Variants in LHB observed in about 807,000 individuals in gnomAD.
LHB encodes lutropin subunit beta.
LHB carries 11 observed loss-of-function variants against 10.6 expected under a neutral mutation model. That is an observed-to-expected ratio of 1.04 (90% CI 0.66 to 1.72). The LOEUF (loss-of-function observed/expected upper bound fraction) is 1.72. Ranked by LOEUF, LHB falls within the 40% of genes most tolerant of loss-of-function variation. The pLI, the probability that LHB is intolerant of heterozygous loss-of-function variation, is 0.00. For synonymous variants in LHB, 86 were observed against 83.1 expected (o/e 1.03, Z -0.19); for missense variants, 184 against 197.3 (o/e 0.93, Z 0.41).
At chr19:49,017,420 A>C, upstream of LHB, 1 of 1,133,006 alleles carries the variant, frequency 8.8e-7, no homozygotes, top group Non-Finnish European at 1.2e-6. Flanking sequence ...AGCCAGGAGG[A>C]GGCCATGACC....
upstream of LHB, chr19:49,019,473 A>G: frequency 8.1e-7 from 1 of 1,240,456 alleles, no homozygotes; most frequent in Non-Finnish European, 1.0e-6. Context: ...GTGAGTTTGT[A>G]GTCCCTGGTC....
upstream of LHB, chr19:49,018,171 T>G (rs946985903): frequency 2.4e-6 from 1 of 409,544 alleles, no homozygotes; most frequent in Non-Finnish European, 4.2e-6. Flanking sequence ...CGGTGCGGCA[T>G]GGCCGAGGTC....
At chr19:49,017,947 G>A, upstream of LHB, 1 of 398,728 alleles carries the variant, frequency 2.5e-6, no homozygotes, top group Non-Finnish European at 4.4e-6. Context: ...GCGGGTCTGG[G>A]GTGGGGCTGG....
chr19:49,017,438 G>T, upstream of LHB: 7 of 1,141,494 alleles, frequency 6.1e-6, no homozygotes, highest in Non-Finnish European at 7.9e-6. Flanking sequence ...ACCCGAGAAA[G>T]GTGCTGGACT....
At chr19:49,017,853 G>T, upstream of LHB, 1 of 398,406 alleles carries the variant, frequency 2.5e-6, no homozygotes. Flanking sequence ...GCCAATAGAC[G>T]TAATGAGTGC....
intron 1 of LHB, 116 bp downstream of exon 1, chr19:49,016,951 G>A: frequency 6.2e-7 from 1 of 1,608,948 alleles, no homozygotes; most frequent in Non-Finnish European, 8.5e-7. Flanking sequence ...AGCTTACTGG[G>A]GGTCATGCCC....
rs568998004 is a variant in LHB at position 49,016,780 on chromosome 19, C to A, written c.16-66G>T. On this transcript the variant is annotated intron_variant, in intron 1 of 2. Transcript: ENST00000649238. ...GCCCCGAGTCCTGGCCTTCCCATCC[C>A]GCGTGGTACACCACCCACAAAGACC... 1.1e-5 allele frequency: 18 copies of A among 1,603,010 alleles called. No individual in the cohort carries two copies. The African/African-American group carries it at 1.5e-4, about 13-fold the overall frequency.
At chr19:49,018,329 G>C, upstream of LHB, 10 of 1,218,026 alleles carry the variant, frequency 8.2e-6, no homozygotes, top group Non-Finnish European at 1.0e-5. Context: ...GGGGTATCCG[G>C]ACAGCTCCGT....
upstream of LHB, chr19:49,017,168 G>A: frequency 6.3e-7 from 1 of 1,595,686 alleles, no homozygotes. Flanking sequence ...ATAGGATGCT[G>A]GGGTAACCTG....
chr19:49,016,307 G>A lies in LHB; in HGVS notation c.187C>T (p.Arg63Cys), dbSNP rs751012697. Residue 63 changes from arginine to cysteine, a missense_variant, in exon 3 of 3, where the codon CGC (arginine) becomes TGC (cysteine). By Grantham distance (180) the Arg-to-Cys change is radical. Transcript: ENST00000649238. ...ICAGYCPTMM[R>C]VLQAVLPPLP... Reference sequence around the variant, plus strand: ...GGCGGCAGGACCGCCTGCAGCACGCGCATCTGGAGGCCGTGTGAGTGGGGG... The same window carrying A: ...GGCGGCAGGACCGCCTGCAGCACGCACATCTGGAGGCCGTGTGAGTGGGGG... 47 of 1,610,482 alleles carry A rather than the reference G, an allele frequency of 2.9e-5. No homozygotes were observed. The highest frequency in any genetic ancestry group is 4.0e-5 in the African/African-American group (3 of 74,864).
chr19:49,017,899 G>T (rs1299671629), upstream of LHB: 4 of 398,260 alleles, frequency 1.0e-5, no homozygotes, highest in Non-Finnish European at 1.8e-5. Context: ...CCTAGTGAGC[G>T]GAGGTCCCGA....
Position 49,016,057 on chromosome 19 carries a change from G to A in LHB, c.*11C>T, listed in dbSNP as rs374676929. On this transcript the variant is annotated 3_prime_UTR_variant, in exon 3 of 3. Transcript: ENST00000649238. The stretch of plus-strand genomic sequence containing the variant: ...AGTCGGGATGGACTTGGAAGGCTGC[G>A]GGGAGGGTCTTTAGAGGAAGAGGAG... 89 of 1,613,766 alleles carry A rather than the reference G, an allele frequency of 5.5e-5. No homozygotes were observed. The highest frequency in any genetic ancestry group is 1.5e-4 in the Admixed American group (9 of 60,010).
At chr19:49,017,831 C>A, upstream of LHB, 1 of 398,772 alleles carries the variant, frequency 2.5e-6, no homozygotes, top group East Asian at 3.6e-5. Flanking sequence ...GGGCTAGTCC[C>A]GCCCCCACGT....
At chr19:49,018,521 T>G (rs2039593549), upstream of LHB, among the ~76,000 whole-genome samples, 2 of 152,132 alleles carry the variant, frequency 1.3e-5, no homozygotes, top group African/African-American at 4.8e-5. Context: ...CTTAACGTCC[T>G]GGAAACTGAG....
At chr19:49,018,707 TAAAA>T (rs11464128), upstream of LHB, among the ~76,000 whole-genome samples, 213 of 146,744 alleles carry the variant, frequency 1.5e-3, no homozygotes, top group Middle Eastern at 7.0e-3. Flanking sequence ...CCTGGGTGCT[TAAAA>T]AAAAAAGGGA....
chr19:49,017,518 G>A (rs1031166308), upstream of LHB: 14 of 1,126,730 alleles, frequency 1.2e-5, no homozygotes, highest in Non-Finnish European at 1.5e-5. Flanking sequence ...CGCTGCTTCG[G>A]ACTTAGCTTC....
At position 49,016,690 on chromosome 19, in the gene LHB, TCAGCAGCAG is replaced by T. The variant is rs762742673; in HGVS notation, c.31_39del (p.Leu11_Leu13del). ...CTGGATGCCCATGCCCCGCCCATGC[TCAGCAGCAG>T]CAACAGCAGCAGCCCCTGGGACAAG... On this transcript the variant is annotated inframe_deletion, in exon 2 of 3. Transcript: ENST00000649238. The T allele has an allele frequency of 6.2e-7, 1 of 1,611,460 alleles. No individual in the cohort carries two copies. Among genetic ancestry groups the T allele is most frequent in the African/African-American group, 1.3e-5 (1 of 74,718 alleles).
At chr19:49,017,193 C>G (rs575342587), upstream of LHB, 699 of 1,553,382 alleles carry the variant, frequency 4.5e-4, 1 homozygote, top group Non-Finnish European at 6.0e-4. Flanking sequence ...CTAATCCCCC[C>G]GGGGGCGAGA....
At chr19:49,017,121 C>T (rs773430080), upstream of LHB, 225 of 1,613,780 alleles carry the variant, frequency 1.4e-4, no homozygotes, top group Non-Finnish European at 1.8e-4. Flanking sequence ...GGCTATATAC[C>T]TCGGGGTTGT....
Sources: gnomAD v4.1 joint callset for allele counts (sites outside exome capture counted in the v4.1 genomes callset) on GRCh38, gnomAD v4.1.1 for gene constraint, MANE v1.5 for transcripts, NCBI Gene and HGNC (gene_info 2026-07-23, HGNC 2026-07-21) for gene names.